The following PXDNL variants were observed in gnomAD, a reference collection of about 807,000 sequenced individuals.
PXDNL encodes probable oxidoreductase PXDNL.
In PXDNL, 145 loss-of-function variants were observed where a neutral mutation model predicts 150.8. The observed-to-expected ratio is 0.96, with a 90% CI of 0.84 to 1.10. PXDNL has a LOEUF of 1.10. PXDNL is among the 50% of genes least tolerant of loss of function. The probability of loss-of-function intolerance (pLI) is 0.00; values close to 1 mark genes in which losing one functional copy is unlikely to be tolerated. For missense variants in PXDNL, 2,087 were observed against 1,873.9 expected (o/e 1.11, Z -2.10); for synonymous variants, 757 against 725.7 (o/e 1.04, Z -0.69).
At chr8:51,603,509 T>C (rs1195548324) in intron 2 of PXDNL, among the ~76,000 whole-genome samples, 1 of 152,058 alleles carries the variant, frequency 6.6e-6, no homozygotes, top group African/African-American at 2.4e-5. Context: ...TCATCATATT[T>C]TGTAACAGAT....
At chr8:51,538,633 G>T (rs1018996058) in intron 4 of PXDNL, among the ~76,000 whole-genome samples, 1 of 152,062 alleles carries the variant, frequency 6.6e-6, no homozygotes, top group Non-Finnish European at 1.5e-5. Context: ...CGAGTCTGGT[G>T]GTGGGCGTCT....
At chr8:51,416,867 T>A (rs1403921156) in intron 14 of PXDNL, among the ~76,000 whole-genome samples, 2 of 152,246 alleles carry the variant, frequency 1.3e-5, no homozygotes, top group African/African-American at 2.4e-5. Flanking sequence ...ATACGTGATA[T>A]AGTCAAACAA....
chr8:51,720,999 C>G (rs2130915951), intron 1 of PXDNL, among the ~76,000 whole-genome samples: 1 of 152,358 alleles, frequency 6.6e-6, no homozygotes, highest in East Asian at 1.9e-4. Context: ...ATATCCGTGG[C>G]TCTTCCAGAT....
At chr8:51,608,045 G>GAA (rs1226544568) in intron 2 of PXDNL, among the ~76,000 whole-genome samples, 2 of 118,792 alleles carry the variant, frequency 1.7e-5, no homozygotes, top group Admixed American at 1.6e-4. Flanking sequence ...AAGAAAGAAA[G>GAA]AAAGAAAGAA....
At chr8:51,756,393 G>GAAAA (rs199827186) in intron 1 of PXDNL, among the ~76,000 whole-genome samples, 10 of 88,422 alleles carry the variant, frequency 1.1e-4, no homozygotes, top group Admixed American at 1.2e-4. Flanking sequence ...CCCCATCACA[G>GAAAA]AAAAAAAAAA....
At chr8:51,505,940 A>G (rs1006812039) in intron 4 of PXDNL, among the ~76,000 whole-genome samples, 1 of 152,236 alleles carries the variant, frequency 6.6e-6, no homozygotes, top group African/African-American at 2.4e-5. Flanking sequence ...TATCTATTAC[A>G]CCAACAAATT....
intron 5 of PXDNL, among the ~76,000 whole-genome samples, chr8:51,491,030 C>G (rs1810880759): frequency 6.6e-6 from 1 of 152,040 alleles, no homozygotes; most frequent in Non-Finnish European, 1.5e-5. Context: ...TAATCAGCTG[C>G]CGGCGTGGCC....
At chr8:51,795,688 T>C (rs191176522) in intron 1 of PXDNL, among the ~76,000 whole-genome samples, 187 of 152,140 alleles carry the variant, frequency 1.2e-3, no homozygotes, top group African/African-American at 4.3e-3. Flanking sequence ...CCCAAAAAGC[T>C]AGATGCGGGG....
chr8:51,703,542 T>C (rs1322852160), intron 1 of PXDNL, among the ~76,000 whole-genome samples: 4 of 152,206 alleles, frequency 2.6e-5, no homozygotes, highest in Non-Finnish European at 5.9e-5. Flanking sequence ...AAACTATTAA[T>C]GTCAACTTTA....
At chr8:51,583,551 A>G (rs574488557) in intron 3 of PXDNL, among the ~76,000 whole-genome samples, 2 of 152,288 alleles carry the variant, frequency 1.3e-5, no homozygotes, top group African/African-American at 2.4e-5. Flanking sequence ...TGCATAGGAC[A>G]TAGTAACTTA....
At chr8:51,630,573 GT>G (rs1236824412) in intron 2 of PXDNL, among the ~76,000 whole-genome samples, 2 of 151,926 alleles carry the variant, frequency 1.3e-5, no homozygotes, top group Admixed American at 1.3e-4. Context: ...TATAAGGAAT[GT>G]AAAGAAATCA....
At chr8:51,496,991 A>G (rs1811067187) in intron 5 of PXDNL, among the ~76,000 whole-genome samples, 1 of 152,208 alleles carries the variant, frequency 6.6e-6, no homozygotes, top group Non-Finnish European at 1.5e-5. Context: ...ATCCTAAGCC[A>G]AAAGAACAAA....
chr8:51,550,307 A>G (rs929619539), intron 4 of PXDNL, among the ~76,000 whole-genome samples: 3 of 152,132 alleles, frequency 2.0e-5, no homozygotes, highest in Admixed American at 2.0e-4. Context: ...AAAGATAAAG[A>G]AAGAGGGAAT....
intron 21 of PXDNL, among the ~76,000 whole-genome samples, chr8:51,328,888 G>A (rs1015096727): frequency 2.0e-5 from 3 of 152,130 alleles, no homozygotes; most frequent in Admixed American, 2.0e-4. Flanking sequence ...CATAAAAAAG[G>A]CCTCTATACC....
chr8:51,739,662 C>T (rs2036882527), intron 1 of PXDNL, among the ~76,000 whole-genome samples: 1 of 151,988 alleles, frequency 6.6e-6, no homozygotes, highest in African/African-American at 2.4e-5. Flanking sequence ...ATCACAAGGT[C>T]AGGAGATTGA....
At chr8:51,334,205 T>A (rs1805774582) in intron 21 of PXDNL, among the ~76,000 whole-genome samples, 1 of 148,094 alleles carries the variant, frequency 6.8e-6, no homozygotes, top group Non-Finnish European at 1.5e-5. Context: ...TTAAATAACC[T>A]GCTCTTGATT....
chr8:51,352,570 G>T (rs918088634), intron 19 of PXDNL, among the ~76,000 whole-genome samples: 1 of 152,094 alleles, frequency 6.6e-6, no homozygotes, highest in East Asian at 1.9e-4. Context: ...CTTCCCCTTT[G>T]CTCTCTCTTC....
chr8:51,701,033 A>G (rs1285442702), intron 1 of PXDNL, among the ~76,000 whole-genome samples: 1 of 152,050 alleles, frequency 6.6e-6, no homozygotes, highest in East Asian at 1.9e-4. Flanking sequence ...ACACACATAT[A>G]CACACAGAGA....
At chr8:51,530,067 G>T (rs906729757) in intron 4 of PXDNL, among the ~76,000 whole-genome samples, 1 of 152,176 alleles carries the variant, frequency 6.6e-6, no homozygotes, top group Non-Finnish European at 1.5e-5. Flanking sequence ...GTGGATATAG[G>T]TTGAAGATAA....
Sources: gnomAD v4.1 joint callset for allele counts (sites outside exome capture counted in the v4.1 genomes callset) on GRCh38, gnomAD v4.1.1 for gene constraint, MANE v1.5 for transcripts, NCBI Gene and HGNC (gene_info 2026-07-23, HGNC 2026-07-21) for gene names.